POLQ: variants seen among roughly 807,000 people sequenced by gnomAD.
The protein encoded by POLQ is epididymis secretory sperm binding protein.
A neutral mutation model predicts 259.2 loss-of-function variants in POLQ; 233 were observed. The ratio of observed to expected loss-of-function variants is 0.90; its 90% confidence interval spans 0.81 to 1.00. The LOEUF is 1.00. Ranked by LOEUF, POLQ falls within the 50% of genes least tolerant of loss-of-function variation. The pLI, the probability that POLQ is intolerant of heterozygous loss-of-function variation, is 0.00. For missense variants in POLQ, 2,871 were observed against 3,051.6 expected (o/e 0.94, Z 1.39); for synonymous variants, 1,025 against 1,048.8 (o/e 0.98, Z 0.44).
intron 9 of POLQ, among the ~76,000 whole-genome samples, chr3:121,514,361 CAA>C (rs76640182): frequency 2.2e-4 from 19 of 85,244 alleles, no homozygotes; most frequent in Admixed American, 3.7e-4. Context: ...CAACAATAAC[CAA>C]AAAAAAAAAA....
At position 121,525,893 on chromosome 3, in the gene POLQ, C is replaced by CT. The variant is rs377147734; in HGVS notation, c.1109-3745dup. On this transcript the variant is annotated intron_variant, in intron 7 of 29. Transcript: ENST00000264233. Reference sequence around the variant, plus strand: ...ATATCTTGAAACCCTTTACCTCCACCTTTTTTTTGCCATTTTCACAATCTT... The same window carrying CT: ...ATATCTTGAAACCCTTTACCTCCACCTTTTTTTTTGCCATTTTCACAATCTT... Among the ~76,000 whole-genome samples the CT allele has an allele frequency of 5.8e-3, 876 of 151,964 alleles. 4 individuals carry two copies. Among genetic ancestry groups the CT allele is most frequent in the African/African-American group, 0.02 (828 of 41,460 alleles).
chr3:121,456,631 C>T (rs952902395), intron 25 of POLQ, among the ~76,000 whole-genome samples: 2 of 151,406 alleles, frequency 1.3e-5, no homozygotes, highest in African/African-American at 4.8e-5. Flanking sequence ...CTCCCATTCA[C>T]AATTGCTTCA....
chr3:121,529,226 C>T (rs2048393782), intron 7 of POLQ, among the ~76,000 whole-genome samples: 1 of 151,980 alleles, frequency 6.6e-6, no homozygotes, highest in Admixed American at 6.6e-5. Flanking sequence ...TCAACTTATA[C>T]ATATGTATGT....
chr3:121,489,984 A>G lies in POLQ; in HGVS notation c.2947T>C (p.Cys983Arg). The G allele has an allele frequency of 6.3e-7, 1 of 1,582,132 alleles. No individual in the cohort carries two copies. The highest frequency in any genetic ancestry group is 8.5e-7 in the Non-Finnish European group (1 of 1,171,358). Reference sequence around the variant, plus strand: ...CGTTTTCTTGCTCTGAAAATGGAACATGTCTGATGTTCTTGATTCCCATTC... The same window carrying G: ...CGTTTTCTTGCTCTGAAAATGGAACGTGTCTGATGTTCTTGATTCCCATTC... ...FQNGNQEHQTCSIFRARKRAS... is the reference protein window; with the variant it reads ...FQNGNQEHQTRSIFRARKRAS... Residue 983 changes from cysteine to arginine, a missense_variant, in exon 16 of 30, where the codon TGT (cysteine) becomes CGT (arginine). Around this residue, in one of 3 missense-constraint regions of POLQ, gnomAD observed 2,080 missense variants for 2,126.0 expected, o/e 0.98. Transcript: ENST00000264233.
At chr3:121,480,562 CCTCCCACCTTAGA>C (rs1461554937) in intron 19 of POLQ, among the ~76,000 whole-genome samples, 2 of 151,804 alleles carry the variant, frequency 1.3e-5, no homozygotes, top group East Asian at 3.9e-4. Context: ...CTCCAGTGAT[CCTCCCACCTTAGA>C]CTCCTGAGTA....
chr3:121,530,290 T>C (rs531112712), intron 6 of POLQ, among the ~76,000 whole-genome samples: 1 of 152,302 alleles, frequency 6.6e-6, no homozygotes, highest in South Asian at 2.1e-4. Flanking sequence ...AAACACTTTA[T>C]TATAAAACAG....
Position 121,493,540 on chromosome 3 carries a change from G to T in POLQ, c.2460C>A (p.Asp820Glu), listed in dbSNP as rs138858790. Residue 820 changes from aspartate (D) to glutamate (E), a missense_variant, in exon 15 of 30, where the codon GAC (aspartate) becomes GAA (glutamate). This residue lies in a region of POLQ where 2,080 missense variants were observed against 2,126.0 expected (regional missense o/e 0.98). Coordinates refer to ENST00000264233, the MANE Select transcript of POLQ (RefSeq NM_199420.4). The stretch of plus-strand genomic sequence containing the variant: ...CCTCCACAATATTTGCTCTAGCAAG[G>T]TCTGCCACAGTATGAAAGCCAGAAG... ...LYASGFHTVA[D>E]LARANIVEVE... is the part of the protein sequence containing the mutation. 92 of 1,613,494 alleles carry T rather than the reference G, an allele frequency of 5.7e-5. No homozygotes were observed. The highest frequency in any genetic ancestry group is 7.3e-5 in the Non-Finnish European group (86 of 1,179,684).
chr3:121,458,057 A>G (rs2047757435), intron 25 of POLQ, among the ~76,000 whole-genome samples: 1 of 152,198 alleles, frequency 6.6e-6, no homozygotes, highest in African/African-American at 2.4e-5. Context: ...ACGCAGCCAT[A>G]AAAAATGATG....
chr3:121,457,386 G>T (rs1355402603), intron 25 of POLQ, among the ~76,000 whole-genome samples: 2 of 152,112 alleles, frequency 1.3e-5, no homozygotes, highest in African/African-American at 4.8e-5. Context: ...TGACAAATGG[G>T]ATCTAATTAA....
At chr3:121,449,614 A>G (rs1247264959) in intron 25 of POLQ, among the ~76,000 whole-genome samples, 188 bp from the exon 26 acceptor site, 1 of 152,218 alleles carries the variant, frequency 6.6e-6, no homozygotes. Flanking sequence ...TTTCAGCATT[A>G]CTTTTTGAGA....
intron 6 of POLQ, among the ~76,000 whole-genome samples, chr3:121,531,127 C>A (rs559448643): frequency 6.6e-6 from 1 of 152,142 alleles, no homozygotes; most frequent in African/African-American, 2.4e-5. Flanking sequence ...GCGGAGGTTG[C>A]GGTGAGCTGA....
chr3:121,517,092 C>G (rs1020648283), intron 9 of POLQ, among the ~76,000 whole-genome samples: 3 of 152,160 alleles, frequency 2.0e-5, no homozygotes, highest in Non-Finnish European at 4.4e-5. Context: ...TCTTATTTCT[C>G]CTTATCTTCT....
At chr3:121,506,706 C>T (rs1181814857) in intron 12 of POLQ, among the ~76,000 whole-genome samples, 1 of 152,190 alleles carries the variant, frequency 6.6e-6, no homozygotes, top group Non-Finnish European at 1.5e-5. Context: ...TTACATTTCA[C>T]TCTTTGGTTT....
In POLQ at chr3:121,436,143, T is replaced by C. The variant is rs768868736; in HGVS notation, c.7522A>G (p.Met2508Val). The change falls in exon 28 of 30, where the codon ATG (methionine) becomes GTG (valine). Residue 2508 changes from methionine (M) to valine (V), a missense_variant. Around this residue, in one of 3 missense-constraint regions of POLQ, gnomAD observed 2,080 missense variants for 2,126.0 expected, o/e 0.98. Transcript: ENST00000264233. ...AAACCTGTTTGGTCACTTTGGAGCA[T>C]ACCCTCTCGATGACCATGGGATTTG... is the stretch of plus-strand genomic sequence containing the variant. ...TFKSHGHREGMLQSDQTGLSR... is the reference protein window; with the variant it reads ...TFKSHGHREGVLQSDQTGLSR... 21 of 1,613,696 alleles carry C rather than the reference T, an allele frequency of 1.3e-5. No homozygotes were observed. Among genetic ancestry groups the C allele is most frequent in the Admixed American group, 1.7e-5 (1 of 59,986 alleles).
At chr3:121,534,437 C>T (rs961320610) in intron 5 of POLQ, among the ~76,000 whole-genome samples, 7 of 151,982 alleles carry the variant, frequency 4.6e-5, no homozygotes, top group African/African-American at 1.7e-4. Flanking sequence ...TCAAGTGATT[C>T]TTATGCCACC....
At chr3:121,524,323 G>C (rs1443084932) in intron 7 of POLQ, among the ~76,000 whole-genome samples, 1 of 152,188 alleles carries the variant, frequency 6.6e-6, no homozygotes, top group Non-Finnish European at 1.5e-5. Flanking sequence ...AGCTAGGCTT[G>C]AGATTTCCAT....
chr3:121,465,572 T>G (rs1054588496), intron 24 of POLQ, among the ~76,000 whole-genome samples: 2 of 152,194 alleles, frequency 1.3e-5, no homozygotes, highest in Non-Finnish European at 2.9e-5. Context: ...GTGGAGCAAG[T>G]GTTTCAGCAC....
chr3:121,485,195 CAA>C lies in POLQ; in HGVS notation c.5630-13_5630-12del. On this transcript the variant is annotated splice_polypyrimidine_tract_variant and intron_variant, in intron 16 of 29. Coordinates refer to ENST00000264233, the MANE Select transcript of POLQ (RefSeq NM_199420.4). ...CCTGAGGTGAGCTAGCTAAGTAAAACAAAAGTGAAACAGTTAAAAATCTCTAA... is the reference window on the plus strand; with the variant it reads ...CCTGAGGTGAGCTAGCTAAGTAAAACAAGTGAAACAGTTAAAAATCTCTAA... 1.9e-6 allele frequency: 3 copies of C among 1,539,460 alleles called. No homozygotes were observed. The highest frequency in any genetic ancestry group is 1.7e-4 in the Middle Eastern group (1 of 5,818).
chr3:121,460,170 A>G lies in POLQ; in HGVS notation c.7032T>C (p.His2344=), dbSNP rs912055934. ...TTAACACTTGAATGAGACGACGATC[A>G]TGGGATAAATGAGCCAAGATCCTCA... The part of the protein sequence containing the change: ...LELRILAHLS[H]DRRLIQVLNT... The change falls in exon 25 of 30, where the codon CAT becomes CAC. Residue 2344 remains histidine (H), a synonymous_variant. Coordinates refer to ENST00000264233, the MANE Select transcript of POLQ (RefSeq NM_199420.4). 3 of 1,613,190 alleles carry G rather than the reference A, an allele frequency of 1.9e-6. No homozygotes were observed. Among genetic ancestry groups the G allele is most frequent in the Non-Finnish European group, 2.5e-6 (3 of 1,179,126 alleles).
Sources: gnomAD v4.1 joint callset for allele counts (sites outside exome capture counted in the v4.1 genomes callset) on GRCh38, gnomAD v4.1.1 for gene constraint, gnomAD v4.1.1 regional missense constraint, MANE v1.5 for transcripts, NCBI Gene and HGNC (gene_info 2026-07-23, HGNC 2026-07-21) for gene names.